The following ZHX3 variants were observed in gnomAD, a reference collection of about 807,000 sequenced individuals.
The protein encoded by ZHX3 is zinc fingers and homeoboxes protein 3.
In ZHX3, 20 loss-of-function variants were observed where a neutral mutation model predicts 64.5. That is an observed-to-expected ratio of 0.31 (90% CI 0.22 to 0.45). The LOEUF (loss-of-function observed/expected upper bound fraction) is 0.45. Among genes scored for constraint, ZHX3 ranks in the 20% least tolerant of loss-of-function variants. The pLI is 1.00. For missense variants in ZHX3, 1,041 were observed against 1,195.8 expected (o/e 0.87, Z 1.91); for synonymous variants, 423 against 461.6 (o/e 0.92, Z 1.07).
rs2038115759 is a variant in ZHX3 at position 41,200,358 on chromosome 20, T to C, written c.2860+1699A>G. Among the ~76,000 whole-genome samples the C allele has an allele frequency of 6.6e-6, 1 of 152,212 alleles. No individual in the cohort carries two copies. The highest frequency in any genetic ancestry group is 2.1e-4 in the South Asian group (1 of 4,826). ...CTCTCTTGAGCATGACACCCTGGCC[T>C]ACTGGTATATTACAAGAAGCACAGA... On this transcript the variant is annotated intron_variant, in intron 3 of 3. Coordinates refer to ENST00000683867, the MANE Select transcript of ZHX3 (RefSeq NM_001384317.1). The surrounding 1 kb of genome is among the most constrained non-coding windows in gnomAD (Gnocchi z 4.2).
Position 41,201,120 on chromosome 20 carries a change from C to T in ZHX3, c.2860+937G>A, listed in dbSNP as rs1374314348. Among the ~76,000 whole-genome samples, 1 of 152,242 alleles carries T rather than the reference C, an allele frequency of 6.6e-6. No individual in the cohort carries two copies. Among genetic ancestry groups the T allele is most frequent in the Non-Finnish European group, 1.5e-5 (1 of 68,044 alleles). Reference sequence around the variant, plus strand: ...GAGGTACCAAACACAAGGCCCCACACTGAGGCAGCTCATGCCAAAGTCACC... The same window carrying T: ...GAGGTACCAAACACAAGGCCCCACATTGAGGCAGCTCATGCCAAAGTCACC... On this transcript the variant is annotated intron_variant, in intron 3 of 3. Coordinates refer to ENST00000683867, the MANE Select transcript of ZHX3 (RefSeq NM_001384317.1). The surrounding 1 kb of genome is among the most constrained non-coding windows in gnomAD (Gnocchi z 5.0).
At chr20:41,316,544 G>A (rs2045291939) in intron 1 of ZHX3, among the ~76,000 whole-genome samples, 1 of 152,042 alleles carries the variant, frequency 6.6e-6, no homozygotes, top group African/African-American at 2.4e-5. Flanking sequence ...TTTAAATTAA[G>A]GACGTGTGGA....
At chr20:41,286,313 C>A (rs1305883807) in intron 1 of ZHX3, among the ~76,000 whole-genome samples, 1 of 152,144 alleles carries the variant, frequency 6.6e-6, no homozygotes, top group Non-Finnish European at 1.5e-5. Context: ...TTGAAAAAAG[C>A]CATTTCACTC....
In ZHX3 at chr20:41,185,206, G is replaced by A. The variant is rs1199188958; in HGVS notation, c.2861-5C>T. 6 of 1,605,714 alleles carry A rather than the reference G, an allele frequency of 3.7e-6. No individual in the cohort carries two copies. Among genetic ancestry groups the A allele is most frequent in the Middle Eastern group, 1.7e-4 (1 of 6,016 alleles). On this transcript the variant is annotated splice_region_variant and splice_polypyrimidine_tract_variant and intron_variant, in intron 3 of 3. Coordinates refer to ENST00000683867, the MANE Select transcript of ZHX3 (RefSeq NM_001384317.1). This position sits in a 1 kb window ranked among gnomAD's most constrained non-coding sequence, Gnocchi z 5.0. ...CAGATCAAATTCAGTCTGTTTCTGAGAAGAAAACACATGCCTGTCACTCTA... is the reference window on the plus strand; with the variant it reads ...CAGATCAAATTCAGTCTGTTTCTGAAAAGAAAACACATGCCTGTCACTCTA...
chr20:41,196,265 T>A (rs1056000823), intron 3 of ZHX3, among the ~76,000 whole-genome samples: 2 of 124,540 alleles, frequency 1.6e-5, no homozygotes, highest in Non-Finnish European at 3.2e-5. Context: ...CTGTTAGGGG[T>A]ATATATATAT....
At position 41,202,786 on chromosome 20, in the gene ZHX3, T is replaced by C. The variant is rs1355418799; in HGVS notation, c.2131A>G (p.Met711Val). The C allele has an allele frequency of 6.2e-7, 1 of 1,614,136 alleles. No individual in the cohort carries two copies. Among genetic ancestry groups the C allele is most frequent in the East Asian group, 2.2e-5 (1 of 44,880 alleles). The change falls in exon 3 of 4, where the codon ATG becomes GTG. Residue 711 changes from methionine (M) to valine (V), a missense_variant. Met to Val is a conservative substitution (Grantham distance 21). This residue lies in a region of ZHX3 where 649 missense variants were observed against 739.8 expected (regional missense o/e 0.88). Coordinates refer to ENST00000683867, the MANE Select transcript of ZHX3 (RefSeq NM_001384317.1). This position sits in a 1 kb window ranked among gnomAD's most constrained non-coding sequence, Gnocchi z 7.0. ...TCTGCCAAGATATGGCTGCTGGGCA[T>C]TTCCAGAGAGCCATTTTCACCAGAG... ...RVSGENGSLE[M>V]PSSHILAERK... is the part of the protein sequence containing the mutation.
Position 41,203,483 on chromosome 20 carries a change from C to T in ZHX3, c.1434G>A (p.Ser478=), listed in dbSNP as rs768996181. ...TTATGCTGGGGCAGGCCGTGAGGAG[C>T]GACTGGGCCGCATTGACCACCTTCA... ...SAVKVVNAAQ[S]LLTACPSITS... Residue 478 remains serine (S), a synonymous_variant, in exon 3 of 4, where the codon TCG becomes TCA. Transcript: ENST00000683867. The surrounding 1 kb of genome is among the most constrained non-coding windows in gnomAD (Gnocchi z 7.1). 73 of 1,614,040 alleles carry T rather than the reference C, an allele frequency of 4.5e-5. No homozygotes were observed. Among genetic ancestry groups the T allele is most frequent in the Non-Finnish European group, 5.9e-5 (70 of 1,180,026 alleles).
intron 2 of ZHX3, among the ~76,000 whole-genome samples, chr20:41,241,012 T>C (rs773723014): frequency 9.9e-5 from 15 of 152,190 alleles, no homozygotes; most frequent in Non-Finnish European, 2.2e-4. Flanking sequence ...ACTAATTTCC[T>C]TTTTGGGGGT....
chr20:41,204,393 C>A lies in ZHX3; in HGVS notation c.524G>T (p.Gly175Val). The A allele has an allele frequency of 6.2e-7, 1 of 1,614,208 alleles. No individual in the cohort carries two copies. The highest frequency in any genetic ancestry group is 8.5e-7 in the Non-Finnish European group (1 of 1,180,046). ...TTTGGTAATGATGATTTCTGCCTGT[C>A]CATCAGCCCCTTCAGCACTGGGCTC... is the stretch of plus-strand genomic sequence containing the variant. ...AGEPSAEGAD[G>V]QAEIIITKTP... The change falls in exon 3 of 4, where the codon GGA becomes GTA. Residue 175 changes from glycine to valine, a missense_variant. Physicochemically the swap from Gly to Val is moderately radical, Grantham distance 109. Transcript: ENST00000683867. The surrounding 1 kb of genome is among the most constrained non-coding windows in gnomAD (Gnocchi z 6.6).
chr20:41,187,890 T>G (rs2036661665), intron 3 of ZHX3, among the ~76,000 whole-genome samples: 1 of 152,230 alleles, frequency 6.6e-6, no homozygotes, highest in African/African-American at 2.4e-5. Flanking sequence ...ATCCATCACC[T>G]TAGTATTTAT....
intron 2 of ZHX3, among the ~76,000 whole-genome samples, chr20:41,246,744 A>G (rs1226715193): frequency 1.3e-5 from 2 of 151,768 alleles, no homozygotes; most frequent in Non-Finnish European, 2.9e-5. Flanking sequence ...GTCGTGGCAC[A>G]TGCCTGTAAT....
chr20:41,264,385 CAAAAA>C (rs1165922837), intron 2 of ZHX3, among the ~76,000 whole-genome samples: 28 of 74,500 alleles, frequency 3.8e-4, no homozygotes, highest in Non-Finnish European at 5.3e-4. Flanking sequence ...ACCAAAAATA[CAAAAA>C]AAAAAAAAAA....
At chr20:41,251,562 T>C (rs1422724066) in intron 2 of ZHX3, among the ~76,000 whole-genome samples, 1 of 152,088 alleles carries the variant, frequency 6.6e-6, no homozygotes, top group Non-Finnish European at 1.5e-5. Flanking sequence ...AGCTCTAATA[T>C]GTCAATAATT....
intron 1 of ZHX3, among the ~76,000 whole-genome samples, chr20:41,300,303 T>C (rs2044754573): frequency 1.3e-5 from 2 of 152,186 alleles, no homozygotes; most frequent in Non-Finnish European, 1.5e-5. Flanking sequence ...CATTTTTTTT[T>C]CCTTTCAGAA....
chr20:41,263,693 C>T (rs1295874856), intron 2 of ZHX3, among the ~76,000 whole-genome samples: 4 of 152,044 alleles, frequency 2.6e-5, no homozygotes, highest in Non-Finnish European at 5.9e-5. Context: ...GCCACCACTC[C>T]CGGCTGAGGA....
In ZHX3 at chr20:41,201,381, G is replaced by A. The variant is rs370334099; in HGVS notation, c.2860+676C>T. The A allele has an allele frequency of 1.1e-4, 146 of 1,304,480 alleles. 3 individuals carry two copies. The South Asian group carries it at 1.6e-3, about 14-fold the overall frequency. 80.8% of individuals were successfully genotyped at this position (1,304,480 alleles called of 1,614,324 possible). On this transcript the variant is annotated intron_variant, in intron 3 of 3. Transcript: ENST00000683867. The surrounding 1 kb of genome is among the most constrained non-coding windows in gnomAD (Gnocchi z 5.0). ...GAGAGGCTGGGAACTCAGTGACCAG[G>A]AACCTAGAAAATCAACACGTAATAA...
chr20:41,250,853 C>A (rs946042343), intron 2 of ZHX3, among the ~76,000 whole-genome samples: 2 of 152,096 alleles, frequency 1.3e-5, no homozygotes, highest in African/African-American at 4.8e-5. Flanking sequence ...TTATCTAAAA[C>A]CATGGAGGCC....
At chr20:41,306,835 G>C (rs1299155851) in intron 1 of ZHX3, among the ~76,000 whole-genome samples, 1 of 152,250 alleles carries the variant, frequency 6.6e-6, no homozygotes, top group Non-Finnish European at 1.5e-5. Flanking sequence ...GTAGCAAGTA[G>C]TATGTTTTTC....
At chr20:41,239,535 T>C (rs2041245369) in intron 2 of ZHX3, 1 of 152,244 alleles carries the variant, frequency 6.6e-6, no homozygotes, top group Non-Finnish European at 1.5e-5. Flanking sequence ...TGCCCAGCCA[T>C]GAACAAACCT....
Sources: allele counts gnomAD v4.1 joint callset (sites outside exome capture counted in the v4.1 genomes callset), GRCh38; gene constraint gnomAD v4.1.1; regional missense constraint gnomAD v4.1.1; non-coding constraint Gnocchi (gnomAD v3.1); transcripts MANE v1.5; gene names NCBI Gene and HGNC (gene_info 2026-07-23, HGNC 2026-07-21).